The following EGLN1 variants were observed in gnomAD, a reference collection of about 807,000 sequenced individuals.
EGLN1 encodes the protein egl-9 family hypoxia inducible factor 1.
EGLN1 carries 17 observed loss-of-function variants against 38.3 expected under a neutral mutation model. The observed-to-expected ratio is 0.44, with a 90% confidence interval of 0.30 to 0.67. EGLN1 has a LOEUF of 0.67. Ranked by LOEUF, EGLN1 falls within the 30% of genes least tolerant of loss-of-function variation. The pLI, the probability that EGLN1 is intolerant of heterozygous loss-of-function variation, is 0.08. For synonymous variants in EGLN1, 283 were observed against 257.5 expected (o/e 1.10, Z -0.95); for missense variants, 477 against 603.3 (o/e 0.79, Z 2.19).
intron 1 of EGLN1, among the ~76,000 whole-genome samples, chr1:231,419,338 G>C (rs926300862): frequency 6.6e-6 from 1 of 152,178 alleles, no homozygotes; most frequent in African/African-American, 2.4e-5. Flanking sequence ...AAAGCAGGAA[G>C]ACAAAAGAGA....
At chr1:231,400,274 A>C (rs1688630765) in intron 1 of EGLN1, among the ~76,000 whole-genome samples, 1 of 148,658 alleles carries the variant, frequency 6.7e-6, no homozygotes, top group Non-Finnish European at 1.5e-5. Context: ...ATTGTCTTTA[A>C]ATTTTTTATT....
intron 1 of EGLN1, among the ~76,000 whole-genome samples, chr1:231,383,228 C>T (rs1218056684): frequency 6.6e-6 from 1 of 151,978 alleles, no homozygotes; most frequent in Non-Finnish European, 1.5e-5. Context: ...AGTAACATGC[C>T]ATTTAGAAGC....
chr1:231,411,779 A>G (rs1377493474), intron 1 of EGLN1, among the ~76,000 whole-genome samples: 1 of 151,906 alleles, frequency 6.6e-6, no homozygotes, highest in African/African-American at 2.4e-5. Context: ...TGGGCGGATC[A>G]CGAGGTCAGG....
rs954854225 is a variant in EGLN1, at chr1:231,375,099, A to C, written c.892-1000T>G. Among the ~76,000 whole-genome samples, 3 of 152,188 alleles carry C rather than the reference A, an allele frequency of 2.0e-5. No homozygotes were observed. The East Asian group carries it at 5.8e-4, about 29-fold the overall frequency. ...TTTTTTACAGAGTCTTGCTCTGTTG[A>C]CCAGGCTAGAGTGCAGTGGCACGAT... On this transcript the variant is annotated intron_variant, in intron 1 of 4. Transcript: ENST00000366641.
At chr1:231,387,256 C>CA (rs541391196) in intron 1 of EGLN1, among the ~76,000 whole-genome samples, 82,295 of 149,284 alleles carry the variant, frequency 0.55, 23,944 homozygotes, top group Non-Finnish European at 0.65. Context: ...CACACACACA[C>CA]CCCCCTAATT....
chr1:231,394,354 C>T (rs71636388), intron 1 of EGLN1, among the ~76,000 whole-genome samples: 9 of 151,382 alleles, frequency 5.9e-5, no homozygotes, highest in African/African-American at 1.7e-4. Flanking sequence ...GCTCACCTCT[C>T]TCAGCCATTA....
At chr1:231,370,427 C>T (rs1687791622) in intron 3 of EGLN1, 135 bp downstream of exon 3, 4 of 932,842 alleles carry the variant, frequency 4.3e-6, no homozygotes, top group South Asian at 2.8e-5. Flanking sequence ...AAATCTTATA[C>T]AATTATTCAA....
Position 231,398,778 on chromosome 1 carries a change from AGG to A in EGLN1, c.891+22218_891+22219del, listed in dbSNP as rs533934018. Among the ~76,000 whole-genome samples the A allele has an allele frequency of 2.1e-3, 325 of 152,326 alleles. 1 individual carries two copies. The highest frequency in any genetic ancestry group is 7.4e-3 in the African/African-American group (308 of 41,586). On this transcript the variant is annotated intron_variant, in intron 1 of 4. Coordinates refer to ENST00000366641, the MANE Select transcript of EGLN1 (RefSeq NM_022051.3). ...GAAAAAATACACACACGATAAAGTG[AGG>A]GTTTAACTATAGTAGTGAGAACTGA...
intron 1 of EGLN1, among the ~76,000 whole-genome samples, chr1:231,382,211 ATC>A (rs1342752033): frequency 6.6e-6 from 1 of 152,214 alleles, no homozygotes; most frequent in African/African-American, 2.4e-5. Flanking sequence ...AAAGTAAAAC[ATC>A]TGTTTCAATT....
At position 231,421,758 on chromosome 1, in the gene EGLN1, T is replaced by C. The variant is rs781405202; in HGVS notation, c.131A>G (p.Lys44Arg). Residue 44 changes from lysine to arginine, a missense_variant, in exon 1 of 5, where the codon AAG (lysine) becomes AGG (arginine). Lys to Arg is a conservative substitution (Grantham distance 26). This residue lies in a region of EGLN1 where 298 missense variants were observed against 288.9 expected (regional missense o/e 1.03). Transcript: ENST00000366641. This position sits in a 1 kb window ranked among gnomAD's most constrained non-coding sequence, Gnocchi z 5.5. The stretch of plus-strand genomic sequence containing the variant: ...CTTCCAGTCCTGACGCTGGTGCTCC[T>C]TGCAGCAGTAGAAGGAGCTGCGGCA... ...SRCRSSFYCC[K>R]EHQRQDWKKH... is the part of the protein sequence containing the mutation. The C allele has an allele frequency of 1.4e-5, 21 of 1,553,798 alleles. No homozygotes were observed. Among genetic ancestry groups the C allele is most frequent in the African/African-American group, 2.8e-5 (2 of 71,692 alleles).
At chr1:231,387,257 C>CACACA (rs552920401) in intron 1 of EGLN1, among the ~76,000 whole-genome samples, 10,741 of 149,206 alleles carry the variant, frequency 0.072, 422 homozygotes, top group South Asian at 0.096. Context: ...ACACACACAC[C>CACACA]CCCCTAATTA....
At position 231,364,294 on chromosome 1, in the gene EGLN1, AC is replaced by A. The variant is rs1687580434; in HGVS notation, c.*2116del. On this transcript the variant is annotated 3_prime_UTR_variant, in exon 5 of 5. Coordinates refer to ENST00000366641, the MANE Select transcript of EGLN1 (RefSeq NM_022051.3). ...GCTGTACATTTTGACAATCAAACAA[AC>A]CTCCCATCAACATAAAACAATTTCT... 6.6e-6 allele frequency: 1 copy of A among 151,848 alleles called. No homozygotes were observed. The allele number at this position is 151,848 out of a possible 1,614,324, so 9.4% of individuals were successfully genotyped here. A position where few individuals can be genotyped will look rare whatever the true frequency, so the allele number is the denominator to read the frequency against.
chr1:231,414,060 A>G (rs975404375), intron 1 of EGLN1, among the ~76,000 whole-genome samples: 2 of 152,210 alleles, frequency 1.3e-5, no homozygotes, highest in African/African-American at 4.8e-5. Flanking sequence ...TTAACCATCT[A>G]TATCAATTTT....
chr1:231,406,720 G>T (rs514867), intron 1 of EGLN1, among the ~76,000 whole-genome samples: 22,561 of 151,820 alleles, frequency 0.15, 2,051 homozygotes, highest in African/African-American at 0.24. Context: ...GGTCTATGGA[G>T]GGGCTTTATT....
intron 1 of EGLN1, among the ~76,000 whole-genome samples, chr1:231,392,284 C>T (rs893091862): frequency 4.0e-5 from 6 of 151,566 alleles, no homozygotes; most frequent in African/African-American, 1.5e-4. Flanking sequence ...GAGACTCTGT[C>T]TCAAAAAATA....
At chr1:231,386,999 G>C (rs1005844526) in intron 1 of EGLN1, among the ~76,000 whole-genome samples, 1 of 151,148 alleles carries the variant, frequency 6.6e-6, no homozygotes, top group African/African-American at 2.4e-5. Context: ...CAGCTCTACA[G>C]GTGTGCACCA....
intron 1 of EGLN1, among the ~76,000 whole-genome samples, chr1:231,381,916 CTG>C (rs1688087368): frequency 6.6e-6 from 1 of 152,220 alleles, no homozygotes; most frequent in Non-Finnish European, 1.5e-5. Flanking sequence ...CACAAGGAGA[CTG>C]GGGATCCTGA....
chr1:231,419,542 G>A (rs1370098228), intron 1 of EGLN1, among the ~76,000 whole-genome samples: 1 of 152,112 alleles, frequency 6.6e-6, no homozygotes, highest in Admixed American at 6.6e-5. Flanking sequence ...ATGTTCAGAT[G>A]TGACAATTTC....
At chr1:231,370,240 C>T (rs907955255) in intron 3 of EGLN1, among the ~76,000 whole-genome samples, 3 of 152,124 alleles carry the variant, frequency 2.0e-5, no homozygotes, top group African/African-American at 7.2e-5. Context: ...AATACTCTTA[C>T]AAAAATCAAA....
Sources: gnomAD v4.1 joint callset for allele counts (sites outside exome capture counted in the v4.1 genomes callset) on GRCh38, gnomAD v4.1.1 for gene constraint, gnomAD v4.1.1 regional missense constraint, Gnocchi (gnomAD v3.1) non-coding constraint, MANE v1.5 for transcripts, NCBI Gene and HGNC (gene_info 2026-07-23, HGNC 2026-07-21) for gene names.